The following GUCD1 variants were observed in gnomAD, a reference collection of about 807,000 sequenced individuals.
GUCD1 encodes the protein protein GUCD1.
In GUCD1, 17 loss-of-function variants were observed where a neutral mutation model predicts 28.3. The ratio of observed to expected loss-of-function variants is 0.60; its 90% CI spans 0.41 to 0.90. The LOEUF is 0.90. Among genes scored for constraint, GUCD1 ranks in the 40% least tolerant of loss-of-function variants. The pLI is 0.00. For missense variants in GUCD1, 279 were observed against 305.5 expected (o/e 0.91, Z 0.65); for synonymous variants, 129 against 123.3 (o/e 1.05, Z -0.30).
upstream of GUCD1, chr22:24,555,342 G>C: frequency 1.5e-6 from 2 of 1,369,064 alleles, no homozygotes; most frequent in South Asian, 1.7e-5. Flanking sequence ...CAGGACGCGG[G>C]CCCCGGAAGC....
chr22:24,547,370 G>A (rs1569012542), intron 3 of GUCD1: 1 of 235,074 alleles, frequency 4.3e-6, no homozygotes, highest in African/African-American at 2.2e-5. Flanking sequence ...GGACAGCTCA[G>A]CTACAGCTTG....
At chr22:24,555,589 C>G (rs546233946), upstream of GUCD1, 2 of 1,549,174 alleles carry the variant, frequency 1.3e-6, no homozygotes, top group South Asian at 1.2e-5. Flanking sequence ...TACCAGATAC[C>G]TAGCCTCACT....
chr22:24,552,308 A>G (rs552823907), intron 1 of GUCD1, among the ~76,000 whole-genome samples: 1 of 152,338 alleles, frequency 6.6e-6, no homozygotes, highest in South Asian at 2.1e-4. Flanking sequence ...AAAAAAGAAA[A>G]AAAGAAATTA....
chr22:24,542,681 C>G lies in GUCD1; in HGVS notation c.*325G>C, dbSNP rs1192205433. ...CTCAGTCCTGCGGTCTGTGGGGAGACCATTGCCATGGATCTGGCTCAAAGG... is the reference window on the plus strand; with the variant it reads ...CTCAGTCCTGCGGTCTGTGGGGAGAGCATTGCCATGGATCTGGCTCAAAGG... On this transcript the variant is annotated 3_prime_UTR_variant, in exon 6 of 6. Transcript: ENST00000435822. 1 of 343,814 alleles carries G rather than the reference C, an allele frequency of 2.9e-6. No homozygotes were observed. The highest frequency in any genetic ancestry group is 2.1e-5 in the African/African-American group (1 of 47,156). The allele number at this position is 343,814 out of a possible 1,614,324, so 21.3% of individuals were successfully genotyped here.
intron 4 of GUCD1, among the ~76,000 whole-genome samples, chr22:24,544,813 A>G (rs1238892020): frequency 6.6e-6 from 1 of 152,088 alleles, no homozygotes; most frequent in African/African-American, 2.4e-5. Flanking sequence ...GGAATTAGAG[A>G]CCAGCCTGGG....
At chr22:24,547,114 G>A (rs1387077346) in intron 3 of GUCD1, 109 bp from the exon 4 acceptor site, 1 of 831,640 alleles carries the variant, frequency 1.2e-6, no homozygotes, top group Admixed American at 1.9e-5. Context: ...CAGGAGGGCA[G>A]AGGAGCCCCA....
chr22:24,543,795 C>G, intron 5 of GUCD1, 47 bp downstream of exon 5: 1 of 1,599,834 alleles, frequency 6.3e-7, no homozygotes, highest in South Asian at 1.1e-5. Flanking sequence ...GCATACAGAA[C>G]AGTGAATGTG....
At chr22:24,551,296 C>T (rs929000133) in intron 1 of GUCD1, among the ~76,000 whole-genome samples, 4 of 152,224 alleles carry the variant, frequency 2.6e-5, no homozygotes, top group African/African-American at 9.6e-5. Context: ...ACTCAAGGCG[C>T]TCACATGTTC....
chr22:24,545,979 TCAGA>T (rs2044715828), intron 4 of GUCD1, among the ~76,000 whole-genome samples: 1 of 150,968 alleles, frequency 6.6e-6, no homozygotes, highest in Non-Finnish European at 1.5e-5. Flanking sequence ...GAGGGCAGAT[TCAGA>T]CAGAGTCTCG....
rs1209242612 is a variant in GUCD1, at chr22:24,544,017, G to A, written c.453C>T (p.Asn151=). 2 of 1,613,856 alleles carry A rather than the reference G, an allele frequency of 1.2e-6. No individual in the cohort carries two copies. The highest frequency in any genetic ancestry group is 1.7e-6 in the Non-Finnish European group (2 of 1,179,862). ...ACAGGTCACAGTGCAGCACCCCCGA[G>A]TTCACCAGCACGATGGCCACATGGC... is the stretch of plus-strand genomic sequence containing the variant. ...AQGHVAIVLV[N]SGVLHCDLCS... The change falls in exon 5 of 6, where the codon AAC becomes AAT. Residue 151 remains asparagine, a synonymous_variant. Coordinates refer to ENST00000435822, the MANE Select transcript of GUCD1 (RefSeq NM_001284254.2).
chr22:24,546,872 A>C (rs1273694963), intron 4 of GUCD1, 42 bp downstream of exon 4: 1 of 1,518,534 alleles, frequency 6.6e-7, no homozygotes, highest in Non-Finnish European at 9.1e-7. Context: ...GTGGGTGAGC[A>C]GGCATGAGAG....
intron 5 of GUCD1, among the ~76,000 whole-genome samples, chr22:24,543,417 G>C (rs1157127946): frequency 1.3e-5 from 2 of 152,234 alleles, no homozygotes; most frequent in Non-Finnish European, 2.9e-5. Context: ...ATGAGAGTCA[G>C]GGCAGCCCTT....
At chr22:24,550,192 G>T (rs116324168) in intron 1 of GUCD1, among the ~76,000 whole-genome samples, 9,648 of 152,224 alleles carry the variant, frequency 0.063, 754 homozygotes, top group African/African-American at 0.19. Context: ...CTAAACAGGG[G>T]GACTTTGGTC....
chr22:24,554,995 C>G lies in GUCD1; in HGVS notation c.-4G>C. 2 of 1,522,792 alleles carry G rather than the reference C, an allele frequency of 1.3e-6. No individual in the cohort carries two copies. Among genetic ancestry groups the G allele is most frequent in the Non-Finnish European group, 1.8e-6 (2 of 1,141,804 alleles). The allele number at this position is 1,522,792 out of a possible 1,614,324, so 94.3% of individuals were successfully genotyped here. Reference sequence around the variant, plus strand: ...CTGCCTCCGCCTCCGTCCTCATGACCCGGGCGGCGCGGGGCGCCCATGGCC... The same window carrying G: ...CTGCCTCCGCCTCCGTCCTCATGACGCGGGCGGCGCGGGGCGCCCATGGCC... On this transcript the variant is annotated 5_prime_UTR_variant, in exon 1 of 6. Transcript: ENST00000435822.
chr22:24,548,549 C>G (rs1408729921), intron 2 of GUCD1, among the ~76,000 whole-genome samples: 1 of 152,200 alleles, frequency 6.6e-6, no homozygotes. Context: ...CTCTCACTGT[C>G]CAGGTTTCTG....
Position 24,547,618 on chromosome 22 carries a change from G to A in GUCD1, c.294+290C>T, listed in dbSNP as rs1601543025. 1.1e-5 allele frequency: 4 copies of A among 379,188 alleles called. No individual in the cohort carries two copies. The East Asian group carries it at 1.9e-4, about 18-fold the overall frequency. 23.5% of individuals were successfully genotyped at this position (379,188 alleles called of 1,614,324 possible). On this transcript the variant is annotated intron_variant, in intron 3 of 5. Transcript: ENST00000435822. Reference sequence around the variant, plus strand: ...GCCTTGTGCTGAGGACAGTAGGAAAGAACGTAGGAAGTGGCCTCTGCACAT... The same window carrying A: ...GCCTTGTGCTGAGGACAGTAGGAAAAAACGTAGGAAGTGGCCTCTGCACAT...
rs1460797055 is a variant in GUCD1, at chr22:24,543,974, A to G, written c.496T>C (p.Tyr166His). Residue 166 changes from tyrosine (Y) to histidine (H), a missense_variant, in exon 5 of 6, where the codon TAC becomes CAC. Transcript: ENST00000435822. ...TGGCCACTGGGGGTGAAGCAGCAGTACTTGACAGGGCTGGAGCACAGGTCA... is the reference window on the plus strand; with the variant it reads ...TGGCCACTGGGGGTGAAGCAGCAGTGCTTGACAGGGCTGGAGCACAGGTCA... The part of the protein sequence containing the change: ...HCDLCSSPVK[Y>H]CCFTPSGHHC... The G allele has an allele frequency of 6.2e-7, 1 of 1,613,924 alleles. No individual in the cohort carries two copies. The highest frequency in any genetic ancestry group is 8.5e-7 in the Non-Finnish European group (1 of 1,179,984).
chr22:24,555,087 T>C lies in GUCD1; in HGVS notation c.-96A>G. The C allele has an allele frequency of 6.8e-6, 9 of 1,315,052 alleles. No homozygotes were observed. The highest frequency in any genetic ancestry group is 8.8e-6 in the Non-Finnish European group (9 of 1,028,468). 81.5% of individuals were successfully genotyped at this position (1,315,052 alleles called of 1,614,324 possible). A position where few individuals can be genotyped will look rare whatever the true frequency, so the allele number is the denominator to read the frequency against. On this transcript the variant is annotated 5_prime_UTR_variant, in exon 1 of 6. Transcript: ENST00000435822. ...GGAGGGCGGTCGGTGCGTGTCGAGT[T>C]CCTTCTCCGCCACCGCCGCCGCTGC...
chr22:24,555,709 G>A (rs184920490), upstream of GUCD1: 348 of 1,550,648 alleles, frequency 2.2e-4, 1 homozygote, highest in Non-Finnish European at 2.9e-4. Context: ...CCCAAGCCCC[G>A]CGTCTCCGCC....
Sources: allele counts gnomAD v4.1 joint callset (sites outside exome capture counted in the v4.1 genomes callset), GRCh38; gene constraint gnomAD v4.1.1; transcripts MANE v1.5; gene names NCBI Gene and HGNC (gene_info 2026-07-23, HGNC 2026-07-21).